ADAMTS9: variants seen among roughly 807,000 people sequenced by gnomAD.
ADAMTS9 encodes the protein ADAM metallopeptidase with thrombospondin type 1 motif 9.
A neutral mutation model predicts 257.1 loss-of-function variants in ADAMTS9; 107 were observed. That is an observed-to-expected ratio of 0.42 (90% CI 0.36 to 0.49). The LOEUF (loss-of-function observed/expected upper bound fraction) is 0.49, where lower values mean the gene tolerates loss of function less well. Ranked by LOEUF, ADAMTS9 falls within the 20% of genes least tolerant of loss-of-function variation. The pLI is 0.03. For missense variants in ADAMTS9, 2,353 were observed against 2,469.1 expected, an observed-to-expected ratio of 0.95 and a Z score of 1.00; for synonymous variants, 982 against 880.9, an observed-to-expected ratio of 1.11 and a Z score of -2.03.
chr3:64,676,111 C>A (rs1368386093), intron 3 of ADAMTS9, among the ~76,000 whole-genome samples: 5 of 152,136 alleles, frequency 3.3e-5, no homozygotes, highest in Non-Finnish European at 5.9e-5. Flanking sequence ...AGAGATTCAA[C>A]TTTAACCAGC....
At chr3:64,672,868 T>C (rs961882036) in intron 3 of ADAMTS9, among the ~76,000 whole-genome samples, 2 of 152,186 alleles carry the variant, frequency 1.3e-5, no homozygotes, top group Admixed American at 1.3e-4. Context: ...CAGTCCATGA[T>C]GGAATGCAGA....
At chr3:64,581,872 G>T (rs2084011659) in intron 28 of ADAMTS9, among the ~76,000 whole-genome samples, 1 of 151,858 alleles carries the variant, frequency 6.6e-6, no homozygotes. Flanking sequence ...TAGAGTGTAG[G>T]TCCCACCATA....
intron 22 of ADAMTS9, among the ~76,000 whole-genome samples, chr3:64,611,075 CAAAAAAAAAAA>C: frequency 1.4e-5 from 1 of 72,160 alleles, no homozygotes; most frequent in East Asian, 4.2e-4. Context: ...GACTCTGTCT[CAAAAAAAAAAA>C]AAAAAAAAAA....
chr3:64,594,461 G>T (rs1487538681), intron 27 of ADAMTS9, 27 bp from the exon 28 acceptor site: 3 of 1,599,154 alleles, frequency 1.9e-6, no homozygotes, highest in Non-Finnish European at 2.6e-6. Flanking sequence ...GAAGGCTGCA[G>T]TTATTTTGTC....
At chr3:64,517,551 G>A (rs915283903) in intron 39 of ADAMTS9, among the ~76,000 whole-genome samples, 12 of 144,408 alleles carry the variant, frequency 8.3e-5, no homozygotes, top group African/African-American at 2.6e-4. Context: ...GAACCACCAC[G>A]CTGGCCCTAG....
rs548477784 is a variant in ADAMTS9 at position 64,551,426 on chromosome 3, A to G, written c.4699-364T>C. Among the ~76,000 whole-genome samples the G allele has an allele frequency of 2.4e-4, 36 of 152,020 alleles. No individual in the cohort carries two copies. The East Asian group carries it at 6.2e-3, about 26-fold the overall frequency. On this transcript the variant is annotated intron_variant, in intron 30 of 39. Coordinates refer to ENST00000498707, the MANE Select transcript of ADAMTS9 (RefSeq NM_182920.2). Reference sequence around the variant, plus strand: ...GGGTTTCACAGTATTAGCCAGGATGATCTCGATCTCCTGACCTCGTGATCT... The same window carrying G: ...GGGTTTCACAGTATTAGCCAGGATGGTCTCGATCTCCTGACCTCGTGATCT...
At chr3:64,640,550 G>C (rs945750866) in intron 12 of ADAMTS9, among the ~76,000 whole-genome samples, 5 of 152,124 alleles carry the variant, frequency 3.3e-5, no homozygotes, top group African/African-American at 4.8e-5. Context: ...AAATAAATGA[G>C]ACTGCTAGGG....
At chr3:64,685,990 T>C (rs1372346954) in intron 2 of ADAMTS9, among the ~76,000 whole-genome samples, 2 of 152,198 alleles carry the variant, frequency 1.3e-5, no homozygotes, top group Admixed American at 1.3e-4. Flanking sequence ...CTTCCGTTCC[T>C]GGGACGGGAC....
intron 14 of ADAMTS9, among the ~76,000 whole-genome samples, chr3:64,632,158 C>T (rs1326852233): frequency 6.6e-6 from 1 of 152,106 alleles, no homozygotes; most frequent in Non-Finnish European, 1.5e-5. Flanking sequence ...TTTCAGGACC[C>T]ACCCAGATCT....
chr3:64,578,435 T>C (rs1396904726), intron 28 of ADAMTS9, among the ~76,000 whole-genome samples: 1 of 152,182 alleles, frequency 6.6e-6, no homozygotes, highest in East Asian at 1.9e-4. Context: ...CAAATTCAAA[T>C]GATTCCTACA....
At chr3:64,633,143 G>C (rs1700410355) in intron 14 of ADAMTS9, among the ~76,000 whole-genome samples, 1 of 152,130 alleles carries the variant, frequency 6.6e-6, no homozygotes, top group South Asian at 2.1e-4. Context: ...GGAAGCATTT[G>C]GGAAGCATTT....
intron 19 of ADAMTS9, among the ~76,000 whole-genome samples, chr3:64,618,312 G>C (rs148413574): frequency 1.3e-5 from 2 of 152,034 alleles, no homozygotes; most frequent in South Asian, 2.1e-4. Flanking sequence ...ATGATCTGAC[G>C]TGCTGTCCTT....
At position 64,647,978 on chromosome 3, in the gene ADAMTS9, T is replaced by C; in HGVS notation, c.1672A>G (p.Thr558Ala). 6.2e-7 allele frequency: 1 copy of C among 1,613,944 alleles called. No individual in the cohort carries two copies. Among genetic ancestry groups the C allele is most frequent in the Non-Finnish European group, 8.5e-7 (1 of 1,179,992 alleles). Residue 558 changes from threonine to alanine, a missense_variant, in exon 11 of 40, where the codon ACA becomes GCA. Physicochemically the swap from Thr to Ala is moderately conservative, Grantham distance 58 (BLOSUM62 0). Coordinates refer to ENST00000498707, the MANE Select transcript of ADAMTS9 (RefSeq NM_182920.2). ...CACTCCGTCCCATCGGCCCAGGGTG[T>C]GTGCTGAGTCCGGCAGCCTTTGTGT... ...GVHKGCRTQH[T>A]PWADGTECEP...
chr3:64,685,450 C>G (rs552194706), intron 2 of ADAMTS9: 7 of 152,384 alleles, frequency 4.6e-5, no homozygotes, highest in Admixed American at 2.0e-4. Context: ...CTTACAGCGC[C>G]GTGCGCTGGG....
At chr3:64,528,951 CAG>C (rs1453799789) in intron 38 of ADAMTS9, among the ~76,000 whole-genome samples, 4 of 152,068 alleles carry the variant, frequency 2.6e-5, no homozygotes, top group Non-Finnish European at 4.4e-5. Context: ...AGTCAGATTT[CAG>C]AGTCCACGTG....
chr3:64,680,816 G>C (rs950699941), intron 3 of ADAMTS9, among the ~76,000 whole-genome samples: 1 of 151,990 alleles, frequency 6.6e-6, no homozygotes, highest in African/African-American at 2.4e-5. Context: ...ACACCCAAAT[G>C]AACAGAAGAT....
At chr3:64,555,787 G>A (rs943197214) in intron 30 of ADAMTS9, among the ~76,000 whole-genome samples, 2 of 152,130 alleles carry the variant, frequency 1.3e-5, no homozygotes, top group African/African-American at 2.4e-5. Context: ...CAGCATGCAC[G>A]GTGGCTGGAG....
intron 26 of ADAMTS9, among the ~76,000 whole-genome samples, chr3:64,600,551 C>T (rs570758015): frequency 5.0e-4 from 76 of 152,328 alleles, no homozygotes; most frequent in African/African-American, 1.6e-3. Context: ...TCTTTAAATC[C>T]TAGCGCTATC....
At position 64,524,611 on chromosome 3, in the gene ADAMTS9, T is replaced by C. The variant is rs554201224; in HGVS notation, c.5719-2351A>G. The stretch of plus-strand genomic sequence containing the variant: ...TAGAAAAAGCTATACTCAGTTATTA[T>C]GATTGTATTTTGAATTTGACCAATA... On this transcript the variant is annotated intron_variant, in intron 38 of 39. Coordinates refer to ENST00000498707, the MANE Select transcript of ADAMTS9 (RefSeq NM_182920.2). 3.1e-4 allele frequency among the ~76,000 whole-genome samples: 47 copies of C among 152,384 alleles called. No individual in the cohort carries two copies. In the South Asian group the frequency reaches 8.7e-3, roughly 28 times the overall value.
Sources: gnomAD v4.1 joint callset for allele counts (sites outside exome capture counted in the v4.1 genomes callset) on GRCh38, gnomAD v4.1.1 for gene constraint, MANE v1.5 for transcripts, NCBI Gene and HGNC (gene_info 2026-07-23, HGNC 2026-07-21) for gene names.